Variants in MAGI2 observed in about 807,000 individuals in gnomAD.
MAGI2 encodes the protein membrane-associated guanylate kinase, WW and PDZ domain-containing protein 2.
MAGI2 carries 35 observed loss-of-function variants against 133.3 expected under a neutral mutation model. That is an observed-to-expected ratio of 0.26 (90% CI 0.20 to 0.35). The LOEUF (loss-of-function observed/expected upper bound fraction) is 0.35. MAGI2 is among the 10% of genes least tolerant of loss of function. The pLI is 1.00. For synonymous variants in MAGI2, 729 were observed against 710.6 expected, an observed-to-expected ratio of 1.03 and a Z score of -0.41; for missense variants, 1,636 against 1,863.4, an observed-to-expected ratio of 0.88 and a Z score of 2.25.
intron 21 of MAGI2, among the ~76,000 whole-genome samples, chr7:78,070,184 T>C (rs893497535): frequency 0.011 from 244 of 22,628 alleles, no homozygotes; most frequent in African/African-American, 0.023. Context: ...CATATATATA[T>C]ATATATATAT....
chr7:78,479,510 A>G (rs1450843210), intron 6 of MAGI2, among the ~76,000 whole-genome samples: 1 of 151,910 alleles, frequency 6.6e-6, no homozygotes, highest in Non-Finnish European at 1.5e-5. Context: ...GCAGGAATGT[A>G]TCAGGAGCTC....
chr7:78,964,111 T>C (rs1562724503), intron 2 of MAGI2, among the ~76,000 whole-genome samples: 1 of 151,988 alleles, frequency 6.6e-6, no homozygotes, highest in Non-Finnish European at 1.5e-5. Flanking sequence ...TTCCTTCTAA[T>C]ACATTTATAA....
intron 3 of MAGI2, among the ~76,000 whole-genome samples, chr7:78,558,562 G>A (rs1295387329): frequency 6.6e-6 from 1 of 152,168 alleles, no homozygotes; most frequent in Non-Finnish European, 1.5e-5. Context: ...CAAGGTGTTA[G>A]TAACATTGAA....
intron 1 of MAGI2, among the ~76,000 whole-genome samples, chr7:79,119,391 C>T (rs1342463392): frequency 1.3e-5 from 2 of 152,080 alleles, no homozygotes; most frequent in African/African-American, 4.8e-5. Flanking sequence ...TGTGTGCCAT[C>T]AACCATGCTC....
At chr7:79,043,347 A>G (rs1243283827) in intron 1 of MAGI2, among the ~76,000 whole-genome samples, 2 of 151,886 alleles carry the variant, frequency 1.3e-5, no homozygotes, top group African/African-American at 4.8e-5. Flanking sequence ...GTTTGAGAAC[A>G]GCCTGACCAA....
intron 1 of MAGI2, among the ~76,000 whole-genome samples, chr7:79,259,023 T>C (rs1198839857): frequency 6.6e-6 from 1 of 152,250 alleles, no homozygotes; most frequent in Non-Finnish European, 1.5e-5. Context: ...CTATTGCTTC[T>C]GTCACTCACT....
intron 2 of MAGI2, among the ~76,000 whole-genome samples, chr7:79,005,570 CAAGGACTACATGTA>C (rs2116506411): frequency 6.6e-6 from 1 of 152,304 alleles, no homozygotes; most frequent in Admixed American, 6.5e-5. Flanking sequence ...ATCGCCTTAG[CAAGGACTACATGTA>C]TTCCTGAATG....
Position 79,244,849 on chromosome 7 carries a change from C to T in MAGI2, c.301+208171G>A, listed in dbSNP as rs532327612. Reference sequence around the variant, plus strand: ...ACAGCTTACAGCTCTGGGACAGACTCCTTCCTTTCACTTGAGGAGTGGGGA... The same window carrying T: ...ACAGCTTACAGCTCTGGGACAGACTTCTTCCTTTCACTTGAGGAGTGGGGA... On this transcript the variant is annotated intron_variant, in intron 1 of 21. Coordinates refer to ENST00000354212, the MANE Select transcript of MAGI2 (RefSeq NM_012301.4). 2.0e-5 allele frequency among the ~76,000 whole-genome samples: 3 copies of T among 152,296 alleles called. No individual in the cohort carries two copies. The South Asian group carries it at 6.2e-4, about 32-fold the overall frequency.
At chr7:78,075,621 C>A (rs1351931500) in intron 21 of MAGI2, among the ~76,000 whole-genome samples, 4 of 152,076 alleles carry the variant, frequency 2.6e-5, no homozygotes, top group Non-Finnish European at 5.9e-5. Context: ...CGTGATCTGC[C>A]CACCTCGGCC....
At chr7:79,153,635 G>T (rs1029439752) in intron 1 of MAGI2, among the ~76,000 whole-genome samples, 11 of 152,166 alleles carry the variant, frequency 7.2e-5, no homozygotes, top group Middle Eastern at 3.2e-3. Flanking sequence ...ATTGAAGTGG[G>T]CAAAAGTATG....
intron 20 of MAGI2, among the ~76,000 whole-genome samples, chr7:78,107,941 C>A (rs1048849913): frequency 6.7e-6 from 1 of 150,370 alleles, no homozygotes; most frequent in East Asian, 2.0e-4. Flanking sequence ...TTTTGTTGAC[C>A]TTTTGTATCC....
At chr7:78,550,544 T>C (rs1404442306) in intron 3 of MAGI2, among the ~76,000 whole-genome samples, 1 of 152,198 alleles carries the variant, frequency 6.6e-6, no homozygotes, top group African/African-American at 2.4e-5. Flanking sequence ...GCCAGACAGA[T>C]AGAAGACTGT....
At chr7:78,274,333 G>A (rs11980247) in intron 9 of MAGI2, among the ~76,000 whole-genome samples, 3,176 of 152,248 alleles carry the variant, frequency 0.021, 101 homozygotes, top group African/African-American at 0.073. Flanking sequence ...AGGGGCACCT[G>A]CAGATGCCAG....
At chr7:79,300,231 G>A (rs538164909) in intron 1 of MAGI2, among the ~76,000 whole-genome samples, 1 of 152,194 alleles carries the variant, frequency 6.6e-6, no homozygotes, top group Admixed American at 6.5e-5. Context: ...AAGATGATGA[G>A]AGAAAGTTTG....
intron 2 of MAGI2, among the ~76,000 whole-genome samples, chr7:78,903,375 T>C (rs1797766469): frequency 6.6e-6 from 1 of 151,670 alleles, no homozygotes; most frequent in South Asian, 2.1e-4. Flanking sequence ...TTTTGTATTT[T>C]TAGTAGAGAC....
intron 1 of MAGI2, among the ~76,000 whole-genome samples, chr7:79,277,928 G>A: frequency 6.6e-6 from 1 of 152,074 alleles, no homozygotes; most frequent in Admixed American, 6.6e-5. Flanking sequence ...TTTCATAAGT[G>A]ACAATTAGCA....
At chr7:78,945,556 C>T (rs1801349924) in intron 2 of MAGI2, among the ~76,000 whole-genome samples, 1 of 152,142 alleles carries the variant, frequency 6.6e-6, no homozygotes, top group Non-Finnish European at 1.5e-5. Context: ...ATAACATCAA[C>T]CACAGTCACC....
intron 20 of MAGI2, among the ~76,000 whole-genome samples, chr7:78,124,147 T>G (rs959383408): frequency 1.3e-5 from 2 of 152,230 alleles, no homozygotes; most frequent in Non-Finnish European, 2.9e-5. Context: ...ATTTTGCACA[T>G]GGTCTTCCTA....
chr7:78,628,261 A>G (rs1170708294), intron 2 of MAGI2, among the ~76,000 whole-genome samples: 2 of 149,374 alleles, frequency 1.3e-5, no homozygotes, highest in African/African-American at 5.0e-5. Flanking sequence ...GCATGGTCAG[A>G]TTGGAATTTA....
Sources: allele counts gnomAD v4.1 joint callset (sites outside exome capture counted in the v4.1 genomes callset), GRCh38; gene constraint gnomAD v4.1.1; transcripts MANE v1.5; gene names NCBI Gene and HGNC (gene_info 2026-07-23, HGNC 2026-07-21).